Variants in SULT1E1 observed in about 807,000 individuals in gnomAD.
The protein encoded by SULT1E1 is sulfotransferase 1E1.
A neutral mutation model predicts 33.6 loss-of-function variants in SULT1E1; 36 were observed. The ratio of observed to expected loss-of-function variants is 1.07; its 90% CI spans 0.82 to 1.41. The LOEUF is 1.41. SULT1E1 is among the 40% of genes most tolerant of loss of function. The pLI, the probability that SULT1E1 is intolerant of heterozygous loss-of-function variation, is 0.00. For missense variants in SULT1E1, 371 were observed against 345.7 expected (o/e 1.07, Z -0.58); for synonymous variants, 121 against 111.7 (o/e 1.08, Z -0.53).
the SULT1E1 span, among the ~76,000 whole-genome samples, chr4:69,823,989 G>A: frequency 6.6e-6 from 1 of 152,134 alleles, no homozygotes; most frequent in Non-Finnish European, 1.5e-5. Context: ...GCAATGAAGG[G>A]CACTTCCTGG....
chr4:69,847,226 A>G (rs975903558), intron 6 of SULT1E1, among the ~76,000 whole-genome samples: 2 of 151,322 alleles, frequency 1.3e-5, no homozygotes, highest in Non-Finnish European at 3.0e-5. Flanking sequence ...TTTTTTTTCA[A>G]ATCTGCTCTG....
At position 69,843,649 on chromosome 4, in the gene SULT1E1, A is replaced by T. The variant is rs11573793; in HGVS notation, c.772+512T>A. Among the ~76,000 whole-genome samples, 50 of 152,070 alleles carry T rather than the reference A, an allele frequency of 3.3e-4. No individual in the cohort carries two copies. In the East Asian group the frequency reaches 6.8e-3, roughly 21 times the overall value. ...CAGGCTATGTCTCCCCCCAAATAGA[A>T]TTTTTTTCTCCTTATATGTTGATAT... is the stretch of plus-strand genomic sequence containing the variant. On this transcript the variant is annotated intron_variant, in intron 7 of 7. Transcript: ENST00000226444.
the SULT1E1 span, among the ~76,000 whole-genome samples, chr4:69,825,327 G>A: frequency 7.4e-4 from 112 of 152,160 alleles, 1 homozygote; most frequent in Non-Finnish European, 1.9e-4. Context: ...AACACTCACC[G>A]CGAGGGTCTG....
chr4:69,847,775 A>G lies in SULT1E1; in HGVS notation c.514T>C (p.Tyr172His). The change falls in exon 6 of 8, where the codon TAT becomes CAT. Residue 172 changes from tyrosine to histidine, a missense_variant. By Grantham distance (83) the Tyr-to-His change is moderately conservative. Coordinates refer to ENST00000226444, the MANE Select transcript of SULT1E1 (RefSeq NM_005420.3). ...MQGQVPYGSWYKHVKSWWEKG... is the reference protein window; with the variant it reads ...MQGQVPYGSWHKHVKSWWEKG... ...TCCCACCAAGATTTTACATGTTTAT[A>G]CCAGGAACCATAAGGAACTAAAATT... 6.2e-7 allele frequency: 1 copy of G among 1,608,902 alleles called. No homozygotes were observed. The highest frequency in any genetic ancestry group is 8.5e-7 in the Non-Finnish European group (1 of 1,176,342).
At chr4:69,823,376 G>A in the SULT1E1 span, among the ~76,000 whole-genome samples, 13 of 152,204 alleles carry the variant, frequency 8.5e-5, no homozygotes, top group African/African-American at 3.1e-4. Flanking sequence ...ATTTTCCTGA[G>A]CAAACTAAGC....
At position 69,857,506 on chromosome 4, in the gene SULT1E1, T is replaced by A. The variant is rs1361781887; in HGVS notation, c.139A>T (p.Lys47Ter). ...GAACAACAAAGAGATTTACCAGATT[T>A]AGGGTAGGTGGCAATGACAAGATCA... ...PDDLVIATYP[K>*]SGTTWVSEIV... Residue 47 changes from lysine (K) to a stop codon, truncating the protein, a stop_gained, in exon 2 of 8, where the codon AAA becomes TAA. Coordinates refer to ENST00000226444, the MANE Select transcript of SULT1E1 (RefSeq NM_005420.3). LOFTEE classifies it high-confidence loss of function. 6.3e-7 allele frequency: 1 copy of A among 1,597,262 alleles called. No individual in the cohort carries two copies. The highest frequency in any genetic ancestry group is 1.4e-5 in the African/African-American group (1 of 73,662).
chr4:69,842,414 C>T (rs1379489394), intron 7 of SULT1E1, among the ~76,000 whole-genome samples: 3 of 152,198 alleles, frequency 2.0e-5, no homozygotes, highest in Non-Finnish European at 4.4e-5. Context: ...GTTTTACCCA[C>T]TCTCAAGGTG....
chr4:69,855,935 T>A (rs891377262), intron 2 of SULT1E1, among the ~76,000 whole-genome samples: 2 of 152,230 alleles, frequency 1.3e-5, no homozygotes, highest in Admixed American at 6.5e-5. Context: ...TTGTATAATA[T>A]GGCACAGGGA....
rs1720886152 is a variant in SULT1E1, at chr4:69,841,554, A to G, written c.*440T>C. 6.5e-6 allele frequency: 1 copy of G among 154,732 alleles called. No individual in the cohort carries two copies. Among genetic ancestry groups the G allele is most frequent in the Admixed American group, 6.5e-5 (1 of 15,322 alleles). 9.6% of individuals were successfully genotyped at this position (154,732 alleles called of 1,614,324 possible). On this transcript the variant is annotated 3_prime_UTR_variant, in exon 8 of 8. Transcript: ENST00000226444. ...ACTATAGCAAGCCCCTGTCTATACA[A>G]AAAATAGAAATAAAATTAGTTGAGC...
intron 6 of SULT1E1, among the ~76,000 whole-genome samples, chr4:69,844,922 T>C (rs1368745167): frequency 6.6e-6 from 1 of 152,126 alleles, no homozygotes; most frequent in East Asian, 1.9e-4. Context: ...AACCGCAATG[T>C]GTATTCAAGT....
At chr4:69,847,130 C>T (rs1329800670) in intron 6 of SULT1E1, among the ~76,000 whole-genome samples, 1 of 151,742 alleles carries the variant, frequency 6.6e-6, no homozygotes, top group African/African-American at 2.4e-5. Flanking sequence ...CAATAATTCA[C>T]TATGTAGCCA....
chr4:69,852,744 A>G (rs1410019272), intron 4 of SULT1E1, among the ~76,000 whole-genome samples: 2 of 152,186 alleles, frequency 1.3e-5, no homozygotes, highest in Admixed American at 1.3e-4. Context: ...TACTCCAAAC[A>G]TGAATCCCTC....
rs565432980 is a variant in SULT1E1 at position 69,842,666 on chromosome 4, A to G, written c.773-560T>C. Among the ~76,000 whole-genome samples the G allele has an allele frequency of 7.2e-5, 11 of 152,276 alleles. No homozygotes were observed. The South Asian group carries it at 2.3e-3, about 32-fold the overall frequency. On this transcript the variant is annotated intron_variant, in intron 7 of 7. Coordinates refer to ENST00000226444, the MANE Select transcript of SULT1E1 (RefSeq NM_005420.3). ...CGTTATTCTCTTAACCACAACATCT[A>G]ATTCATTATATTCAGGCTTTCTTTA... is the stretch of plus-strand genomic sequence containing the variant.
At chr4:69,842,502 C>A (rs915253223) in intron 7 of SULT1E1, among the ~76,000 whole-genome samples, 15 of 152,132 alleles carry the variant, frequency 9.9e-5, no homozygotes, top group African/African-American at 3.1e-4. Context: ...GATTTTGCCA[C>A]CTGAAAAATG....
chr4:69,847,629 A>G lies in SULT1E1; in HGVS notation c.591+69T>C. 2.9e-6 allele frequency: 3 copies of G among 1,049,238 alleles called. No homozygotes were observed. In the South Asian group the frequency reaches 4.7e-5, roughly 16 times the overall value. 65.0% of individuals were successfully genotyped at this position (1,049,238 alleles called of 1,614,324 possible). A position where few individuals can be genotyped will look rare whatever the true frequency, so the allele number is the denominator to read the frequency against. ...CATTTATTTAAAGGAATATTTTTGT[A>G]TCCAGAGTATTTTCAAATGCTAACA... is the stretch of plus-strand genomic sequence containing the variant. On this transcript the variant is annotated intron_variant, in intron 6 of 7. Coordinates refer to ENST00000226444, the MANE Select transcript of SULT1E1 (RefSeq NM_005420.3).
the SULT1E1 span, among the ~76,000 whole-genome samples, chr4:69,825,422 A>G: frequency 6.6e-6 from 1 of 152,194 alleles, no homozygotes; most frequent in Admixed American, 6.5e-5. Context: ...TGAAGGGACA[A>G]TCACCAAGTG....
At chr4:69,851,123 T>A (rs144347657) in intron 4 of SULT1E1, among the ~76,000 whole-genome samples, 90 of 152,178 alleles carry the variant, frequency 5.9e-4, no homozygotes, top group African/African-American at 2.1e-3. Flanking sequence ...AATTGACAAA[T>A]GGGATCTAAT....
chr4:69,834,603 G>A, the SULT1E1 span, among the ~76,000 whole-genome samples: 294 of 152,160 alleles, frequency 1.9e-3, 2 homozygotes, highest in African/African-American at 6.9e-3. Context: ...GAGTGATCTT[G>A]GTAAATCACC....
rs377482558 is a variant in SULT1E1, at chr4:69,847,791, A to T, written c.498T>A (p.Val166=). Residue 166 remains valine, a splice_region_variant and synonymous_variant, in exon 6 of 8, where the codon GTT becomes GTA. Transcript: ENST00000226444. ...EFVEKFMQGQ[V]PYGSWYKHVK... ...CATGTTTATACCAGGAACCATAAGG[A>T]ACTAAAATTAGAGAGAAAAACAGTG... 12 of 1,603,088 alleles carry T rather than the reference A, an allele frequency of 7.5e-6. No individual in the cohort carries two copies. Among genetic ancestry groups the T allele is most frequent in the African/African-American group, 1.3e-5 (1 of 74,524 alleles).
Sources: allele counts gnomAD v4.1 joint callset (sites outside exome capture counted in the v4.1 genomes callset), GRCh38; gene constraint gnomAD v4.1.1; transcripts MANE v1.5; gene names NCBI Gene and HGNC (gene_info 2026-07-23, HGNC 2026-07-21).